The following STIM1 variants were observed in gnomAD, a reference collection of about 807,000 sequenced individuals.
STIM1 encodes stromal interaction molecule 1.
Under a neutral mutation model 74.7 loss-of-function variants are expected in STIM1, and 25 were observed. The ratio of observed to expected loss-of-function variants is 0.33; its 90% CI spans 0.24 to 0.47. The LOEUF (loss-of-function observed/expected upper bound fraction) is 0.47. Among genes scored for constraint, STIM1 ranks in the 20% least tolerant of loss-of-function variants. STIM1 has a pLI of 1.00. For missense variants in STIM1, 728 were observed against 920.8 expected (o/e 0.79, Z 2.71); for synonymous variants, 328 against 348.8 (o/e 0.94, Z 0.66).
chr11:3,993,679 A>G, intron 2 of STIM1, among the ~76,000 whole-genome samples: 1 of 152,056 alleles, frequency 6.6e-6, no homozygotes, highest in African/African-American at 2.4e-5. Flanking sequence ...ACGAAACAAA[A>G]ACCCCAAAAA....
intron 2 of STIM1, among the ~76,000 whole-genome samples, chr11:4,005,992 T>A (rs1438063247): frequency 6.6e-6 from 1 of 152,200 alleles, no homozygotes; most frequent in Non-Finnish European, 1.5e-5. Context: ...TGGTAAACTT[T>A]TCAGATCTGG....
chr11:3,891,801 G>A (rs1326627336), intron 1 of STIM1, among the ~76,000 whole-genome samples: 2 of 152,216 alleles, frequency 1.3e-5, no homozygotes, highest in African/African-American at 2.4e-5. Flanking sequence ...TTTCTAGAGT[G>A]TAGCATAGAG....
chr11:3,894,765 G>A (rs2092005381), intron 1 of STIM1, among the ~76,000 whole-genome samples: 1 of 151,984 alleles, frequency 6.6e-6, no homozygotes, highest in Non-Finnish European at 1.5e-5. Flanking sequence ...TTGAGACAGG[G>A]TCTCGATTTG....
At chr11:3,892,589 A>G in intron 1 of STIM1, 1 of 1,601,892 alleles carries the variant, frequency 6.2e-7, no homozygotes, top group Non-Finnish European at 8.6e-7. Flanking sequence ...AGCATTTGCC[A>G]TGGACAAGAT....
chr11:3,915,741 T>C (rs1466174304), intron 1 of STIM1, among the ~76,000 whole-genome samples: 2 of 152,248 alleles, frequency 1.3e-5, no homozygotes, highest in Admixed American at 6.5e-5. Flanking sequence ...TTGTTGTTGT[T>C]GTTTGTGCTT....
At chr11:3,941,696 A>AGAGAGAGAGAGAGAGTGTGT (rs1214690521) in intron 1 of STIM1, among the ~76,000 whole-genome samples, 1 of 141,804 alleles carries the variant, frequency 7.1e-6, no homozygotes, top group South Asian at 2.2e-4. Context: ...AGAGAGAGAG[A>AGAGAGAGAGAGAGAGTGTGT]GTGTGTGTGT....
intron 2 of STIM1, among the ~76,000 whole-genome samples, chr11:4,005,268 A>G (rs1290787998): frequency 1.3e-5 from 2 of 152,196 alleles, no homozygotes; most frequent in African/African-American, 4.8e-5. Context: ...ATGCTGCTAT[A>G]AAGACACATG....
chr11:4,031,407 AC>A (rs1485508745), intron 3 of STIM1, among the ~76,000 whole-genome samples: 5 of 152,334 alleles, frequency 3.3e-5, no homozygotes, highest in Non-Finnish European at 1.5e-5. Context: ...TTAGGTAAAT[AC>A]CTAGGAGTGG....
At chr11:4,012,972 A>G (rs1006578025) in intron 2 of STIM1, among the ~76,000 whole-genome samples, 5 of 152,184 alleles carry the variant, frequency 3.3e-5, no homozygotes, top group Non-Finnish European at 7.4e-5. Context: ...TTCTGCATCT[A>G]TTGAGATAAT....
rs2094404838 is a variant in STIM1 at position 4,071,729 on chromosome 11, T to A, written c.791+1526T>A. ...AGCCAGGTATTGTTAAATACTTAAA[T>A]GCATTATTACTTTTAATCACTATGG... is the stretch of plus-strand genomic sequence containing the variant. On this transcript the variant is annotated intron_variant, in intron 6 of 12. Coordinates refer to ENST00000526596, the MANE Select transcript of STIM1 (RefSeq NM_001382567.1). Among the ~76,000 whole-genome samples the A allele has an allele frequency of 2.0e-5, 3 of 152,316 alleles. No homozygotes were observed. In the South Asian group the frequency reaches 6.2e-4, roughly 32 times the overall value.
intron 3 of STIM1, among the ~76,000 whole-genome samples, chr11:4,032,590 A>G (rs914123999): frequency 2.0e-5 from 3 of 152,218 alleles, no homozygotes; most frequent in Non-Finnish European, 4.4e-5. Context: ...CATTGAATCT[A>G]TAGATGAGTT....
chr11:3,980,424 T>C (rs2093490895), intron 2 of STIM1, among the ~76,000 whole-genome samples: 1 of 152,110 alleles, frequency 6.6e-6, no homozygotes, highest in Non-Finnish European at 1.5e-5. Flanking sequence ...TCATATCTTA[T>C]CACTGTGCCC....
chr11:4,061,897 T>C (rs1043831434), intron 5 of STIM1, among the ~76,000 whole-genome samples: 1 of 152,180 alleles, frequency 6.6e-6, no homozygotes. Flanking sequence ...GATCACATAT[T>C]ATATGATTCT....
At chr11:4,055,007 AG>A (rs1359582637) in intron 3 of STIM1, among the ~76,000 whole-genome samples, 1 of 152,194 alleles carries the variant, frequency 6.6e-6, no homozygotes, top group African/African-American at 2.4e-5. Context: ...AACTTCCTCC[AG>A]GCTTGGCACT....
intron 2 of STIM1, among the ~76,000 whole-genome samples, chr11:3,997,301 T>G (rs2093671696): frequency 6.6e-6 from 1 of 152,158 alleles, no homozygotes; most frequent in South Asian, 2.1e-4. Context: ...TGTTGCTGCC[T>G]TTGAAGAAGT....
At chr11:3,873,398 A>G (rs1209914987) in intron 1 of STIM1, among the ~76,000 whole-genome samples, 1 of 150,852 alleles carries the variant, frequency 6.6e-6, no homozygotes, top group African/African-American at 2.4e-5. Context: ...AGCCTGGGCA[A>G]CAAGAGCAAA....
intron 1 of STIM1, among the ~76,000 whole-genome samples, chr11:3,912,138 TC>T (rs1322953272): frequency 2.2e-5 from 2 of 90,068 alleles, no homozygotes; most frequent in African/African-American, 9.0e-5. Flanking sequence ...TCCCCTCCCA[TC>T]CCCTCTCCTC....
chr11:4,091,342 C>T lies in STIM1; in HGVS notation c.1695C>T (p.Ala565=). 1.2e-6 allele frequency: 2 copies of T among 1,614,202 alleles called. No individual in the cohort carries two copies. Among genetic ancestry groups the T allele is most frequent in the African/African-American group, 1.3e-5 (1 of 75,044 alleles). Reference sequence around the variant, plus strand: ...ACATGAGTGACCGCCAGCGTGTGGCCCCCAAACCTCCTCAGATGAGCCGTG... The same window carrying T: ...ACATGAGTGACCGCCAGCGTGTGGCTCCCAAACCTCCTCAGATGAGCCGTG... ...SLHMSDRQRV[A]PKPPQMSRAA... Residue 565 remains alanine, a synonymous_variant, in exon 13 of 13, where the codon GCC becomes GCT. Transcript: ENST00000526596.
chr11:4,034,230 G>A (rs967591104), intron 3 of STIM1, among the ~76,000 whole-genome samples: 1 of 150,716 alleles, frequency 6.6e-6, no homozygotes, highest in Non-Finnish European at 1.5e-5. Context: ...CACTGTCTCG[G>A]AAAAATAAAT....
Sources: gnomAD v4.1 joint callset for allele counts (sites outside exome capture counted in the v4.1 genomes callset) on GRCh38, gnomAD v4.1.1 for gene constraint, MANE v1.5 for transcripts, NCBI Gene and HGNC (gene_info 2026-07-23, HGNC 2026-07-21) for gene names.